The following ATP11C variants were observed in gnomAD, a reference collection of about 807,000 sequenced individuals.
The protein encoded by ATP11C is phospholipid-transporting ATPase IG.
ATP11C carries 36 observed loss-of-function variants against 97.4 expected under a neutral mutation model. That is an observed-to-expected ratio of 0.37 (90% CI 0.28 to 0.49). The LOEUF is 0.49. ATP11C is among the 20% of genes least tolerant of loss of function. The pLI, the probability that ATP11C is intolerant of heterozygous loss-of-function variation, is 0.98. For missense variants in ATP11C, 730 were observed against 824.6 expected (o/e 0.89, Z 1.40); for synonymous variants, 275 against 290.9 (o/e 0.95, Z 0.56).
At chrX:139,774,204 G>C (rs1354808455) in intron 19 of ATP11C, among the ~76,000 whole-genome samples, 2 of 111,717 alleles carry the variant, frequency 1.8e-5, no homozygotes, top group Non-Finnish European at 3.8e-5. Context: ...TGAAAGTAGA[G>C]TCAAAGCGGC....
intron 1 of ATP11C, among the ~76,000 whole-genome samples, chrX:139,896,190 G>A (rs371538782): frequency 9.0e-6 from 1 of 111,249 alleles, no homozygotes; most frequent in South Asian, 3.8e-4. Flanking sequence ...AGGTGACCAA[G>A]TTAACATCAT....
chrX:139,804,406 G>C, intron 6 of ATP11C, 65 bp downstream of exon 6: 1 of 873,580 alleles, frequency 1.1e-6, no homozygotes, highest in Non-Finnish European at 1.6e-6. Context: ...GAGGGTGATG[G>C]GAGGCAGTAT....
rs60964664 is a variant in ATP11C at position 139,838,947 on chromosome X, C to CA, written c.28-12125dup. Among the ~76,000 whole-genome samples, 206 of 93,174 alleles carry CA rather than the reference C, an allele frequency of 2.2e-3. 1 individual carries two copies. Among genetic ancestry groups the CA allele is most frequent in the Middle Eastern group, 5.7e-3 (1 of 176 alleles). The allele number at this position is 93,174 out of a possible 115,157, so 80.9% of individuals were successfully genotyped here. A position where few individuals can be genotyped will look rare whatever the true frequency, so the allele number is the denominator to read the frequency against. On this transcript the variant is annotated intron_variant, in intron 1 of 29. Transcript: ENST00000682941. Reference sequence around the variant, plus strand: ...AGGGCAACAGAGCAAGATTCTGTCTCAAAAAAAAAAAAGGTGGAAACAACC... The same window carrying CA: ...AGGGCAACAGAGCAAGATTCTGTCTCAAAAAAAAAAAAAGGTGGAAACAACC...
intron 1 of ATP11C, among the ~76,000 whole-genome samples, chrX:139,925,956 T>C (rs182267041): frequency 1.8e-5 from 2 of 112,047 alleles, no homozygotes; most frequent in African/African-American, 3.2e-5. Context: ...ACTGCAATAA[T>C]TGAGGGGCTG....
At position 139,826,791 on chromosome X, in the gene ATP11C, G is replaced by T; in HGVS notation, c.60C>A (p.Arg20=). Residue 20 remains arginine, a synonymous_variant, in exon 2 of 30, where the codon CGC becomes CGA. Coordinates refer to ENST00000682941, the MANE Select transcript of ATP11C (RefSeq NM_001353812.2). ...CAGEEKRVGT[R]TVFVGNHPVS... ...CTGGATGATTGCCAACAAACACTGT[G>T]CGTGTGCCAACTCGTTTCTCTTCTC... The T allele has an allele frequency of 8.3e-7, 1 of 1,207,955 alleles. No individual in the cohort carries two copies. Among genetic ancestry groups the T allele is most frequent in the South Asian group, 1.8e-5 (1 of 56,492 alleles).
At chrX:139,789,202 C>CA (rs368007132) in intron 13 of ATP11C, 125 bp downstream of exon 13, 52,249 of 351,438 alleles carry the variant, frequency 0.15, 2 homozygotes, top group East Asian at 0.18. Flanking sequence ...GACTCCATCT[C>CA]AAAAAAAAAA....
intron 1 of ATP11C, among the ~76,000 whole-genome samples, chrX:139,923,892 C>T (rs2085305229): frequency 8.9e-6 from 1 of 111,748 alleles, no homozygotes; most frequent in Admixed American, 9.6e-5. Flanking sequence ...GACTATAAAA[C>T]TCAAAAGACA....
intron 1 of ATP11C, among the ~76,000 whole-genome samples, chrX:139,908,616 GTTAC>G (rs2085020433): frequency 8.9e-6 from 1 of 112,241 alleles, no homozygotes; most frequent in African/African-American, 3.2e-5. Flanking sequence ...GTGGATATGA[GTTAC>G]TTAAAGCATA....
intron 1 of ATP11C, among the ~76,000 whole-genome samples, chrX:139,845,854 C>T (rs776570057): frequency 1.8e-5 from 2 of 112,080 alleles, no homozygotes; most frequent in South Asian, 3.7e-4. Flanking sequence ...CTTATGCTTG[C>T]CAAATACTGT....
intron 1 of ATP11C, among the ~76,000 whole-genome samples, chrX:139,847,304 C>A (rs1242902076): frequency 1.8e-5 from 2 of 110,882 alleles, no homozygotes; most frequent in South Asian, 3.8e-4. Context: ...GATCAGTTGA[C>A]CCTGGGAGGC....
Position 139,728,870 on chromosome X carries a change from T to A in ATP11C, c.*96A>T. The A allele has an allele frequency of 8.6e-7, 1 of 1,162,283 alleles. No individual in the cohort carries two copies. The highest frequency in any genetic ancestry group is 1.2e-6 in the Non-Finnish European group (1 of 853,081). ...TATCAAGTATCCTGAGATGATAACT[T>A]TTTGTAGTTGTTTCTTCATGCTTTC... On this transcript the variant is annotated 3_prime_UTR_variant, in exon 30 of 30. Transcript: ENST00000682941.
chrX:139,789,525 T>A (rs778191136), intron 12 of ATP11C, 37 bp from the exon 13 acceptor site: 24 of 1,077,151 alleles, frequency 2.2e-5, no homozygotes, highest in Non-Finnish European at 2.6e-5. Context: ...GTTAGTTTCT[T>A]CAGTGTGACT....
At chrX:139,906,781 C>CAA (rs11307874) in intron 1 of ATP11C, among the ~76,000 whole-genome samples, 1 of 96,493 alleles carries the variant, frequency 1.0e-5, no homozygotes, top group Non-Finnish European at 2.1e-5. Context: ...GACTCTGTCT[C>CAA]AAAAAAAAAA....
At chrX:139,930,872 GATGT>G (rs1184068062) in intron 1 of ATP11C, among the ~76,000 whole-genome samples, 1 of 112,322 alleles carries the variant, frequency 8.9e-6, no homozygotes, top group African/African-American at 3.2e-5. Flanking sequence ...AAATATATCC[GATGT>G]ATGAAAAATG....
intron 1 of ATP11C, among the ~76,000 whole-genome samples, chrX:139,878,256 C>T (rs900848532): frequency 1.8e-5 from 2 of 111,375 alleles, no homozygotes; most frequent in East Asian, 2.8e-4. Context: ...GTCTGGCACA[C>T]TGTTGTACTC....
chrX:139,888,735 C>G (rs1188348357), intron 1 of ATP11C, among the ~76,000 whole-genome samples: 1 of 110,118 alleles, frequency 9.1e-6, no homozygotes, highest in Admixed American at 9.7e-5. Context: ...GAAAATGTAC[C>G]CAGTACATTT....
intron 18 of ATP11C, among the ~76,000 whole-genome samples, chrX:139,781,426 T>C (rs2082455036): frequency 8.9e-6 from 1 of 112,821 alleles, no homozygotes; most frequent in African/African-American, 3.2e-5. Flanking sequence ...TATTTTAAAG[T>C]ATGCAGGCCA....
chrX:139,798,445 G>A (rs2082848046), intron 9 of ATP11C, 91 bp from the exon 10 acceptor site: 1 of 658,523 alleles, frequency 1.5e-6, no homozygotes, highest in Non-Finnish European at 2.3e-6. Flanking sequence ...CTATAAAAGT[G>A]GGAAATCTAG....
intron 12 of ATP11C, among the ~76,000 whole-genome samples, chrX:139,790,710 G>A (rs1699048722): frequency 9.0e-6 from 1 of 111,143 alleles, no homozygotes; most frequent in Non-Finnish European, 1.9e-5. Context: ...TTACCTAATT[G>A]GAAGATACAG....
Sources: gnomAD v4.1 joint callset for allele counts (sites outside exome capture counted in the v4.1 genomes callset) on GRCh38, gnomAD v4.1.1 for gene constraint, MANE v1.5 for transcripts, NCBI Gene and HGNC (gene_info 2026-07-23, HGNC 2026-07-21) for gene names.